Variants in RBFOX1 observed in about 807,000 individuals in gnomAD.
The protein encoded by RBFOX1 is RNA binding fox-1 homolog 1.
RBFOX1 carries 8 observed loss-of-function variants against 57.7 expected under a neutral mutation model. That is an observed-to-expected ratio of 0.14 (90% CI 0.08 to 0.25). The LOEUF (loss-of-function observed/expected upper bound fraction) is 0.25. Among genes scored for constraint, RBFOX1 ranks in the 10% least tolerant of loss-of-function variants. RBFOX1 has a pLI of 1.00. For synonymous variants in RBFOX1, 326 were observed against 222.4 expected (o/e 1.47, Z -4.15); for missense variants, 611 against 548.5 (o/e 1.11, Z -1.14).
intron 14 of RBFOX1, among the ~76,000 whole-genome samples, chr16:7,708,497 TTGAATG>T (rs1598658428): frequency 7.5e-6 from 1 of 132,468 alleles, no homozygotes; most frequent in African/African-American, 2.5e-5. Context: ...ATCAGTCTGA[TTGAATG>T]GGAATGGGAA....
intron 3 of RBFOX1, among the ~76,000 whole-genome samples, chr16:5,641,640 G>A (rs1479837866): frequency 6.6e-6 from 1 of 152,222 alleles, no homozygotes; most frequent in Non-Finnish European, 1.5e-5. Context: ...TGGCACTGCA[G>A]TGGCCTGGGG....
intron 3 of RBFOX1, among the ~76,000 whole-genome samples, chr16:6,978,563 CCCTTTCT>C (rs146522557): frequency 0.07 from 10,581 of 152,096 alleles, 431 homozygotes; most frequent in South Asian, 0.18. Context: ...GTCATAGAGC[CCCTTTCT>C]CCTTTCTATA....
chr16:5,530,642 G>C (rs979788250), intron 2 of RBFOX1, among the ~76,000 whole-genome samples: 3 of 152,068 alleles, frequency 2.0e-5, no homozygotes, highest in Non-Finnish European at 4.4e-5. Flanking sequence ...AGCAACCTTG[G>C]CCTCTACCCA....
chr16:7,148,982 A>G lies in RBFOX1; in HGVS notation c.27+96884A>G, dbSNP rs117995887. On this transcript the variant is annotated intron_variant, in intron 4 of 15. Transcript: ENST00000550418. ...ACAAAGATAGGAAACCTGAAGCCATAGTATTTTGCTTCTTTCCTGGCTTAG... is the reference window on the plus strand; with the variant it reads ...ACAAAGATAGGAAACCTGAAGCCATGGTATTTTGCTTCTTTCCTGGCTTAG... Among the ~76,000 whole-genome samples the G allele has an allele frequency of 4.0e-3, 602 of 152,336 alleles. 1 individual carries two copies. The highest frequency in any genetic ancestry group is 6.0e-3 in the Non-Finnish European group (411 of 68,032).
At chr16:6,689,421 A>T (rs972145068) in intron 3 of RBFOX1, among the ~76,000 whole-genome samples, 1 of 152,164 alleles carries the variant, frequency 6.6e-6, no homozygotes, top group African/African-American at 2.4e-5. Flanking sequence ...CTTTTTTCCT[A>T]AAAATATTAT....
intron 1 of RBFOX1, among the ~76,000 whole-genome samples, chr16:5,354,751 A>G (rs1335966112): frequency 6.6e-6 from 1 of 152,040 alleles, no homozygotes; most frequent in Non-Finnish European, 1.5e-5. Flanking sequence ...AGCATTATTC[A>G]TTTCGAAGGT....
In RBFOX1 at chr16:7,412,580, A is replaced by G. The variant is rs1360227808; in HGVS notation, c.28-105567A>G. 2.0e-5 allele frequency among the ~76,000 whole-genome samples: 3 copies of G among 152,228 alleles called. No homozygotes were observed. The East Asian group carries it at 5.8e-4, about 29-fold the overall frequency. ...CACACAAAAAATATGGACTAATCAA[A>G]TACTTTCTAGATTTCGTGTTTATAG... On this transcript the variant is annotated intron_variant, in intron 4 of 15. Coordinates refer to ENST00000550418, the MANE Select transcript of RBFOX1 (RefSeq NM_018723.4).
intron 1 of RBFOX1, among the ~76,000 whole-genome samples, chr16:6,028,487 CATA>C (rs2095238491): frequency 9.7e-6 from 1 of 102,878 alleles, no homozygotes. Flanking sequence ...GCCTAGGCAA[CATA>C]ATGAGACCCT....
intron 3 of RBFOX1, among the ~76,000 whole-genome samples, chr16:6,928,733 C>A (rs2153470157): frequency 6.6e-6 from 1 of 152,284 alleles, no homozygotes; most frequent in South Asian, 2.1e-4. Flanking sequence ...GCCAATCAAT[C>A]ACGGTTGCAT....
chr16:6,129,702 T>TA (rs35279011), intron 1 of RBFOX1, among the ~76,000 whole-genome samples: 76,438 of 120,896 alleles, frequency 0.63, 23,161 homozygotes, highest in African/African-American at 0.75. Flanking sequence ...CAGGTAGAAT[T>TA]AAAAAAAAAA....
At chr16:7,355,317 G>A (rs917999149) in intron 4 of RBFOX1, among the ~76,000 whole-genome samples, 4 of 152,122 alleles carry the variant, frequency 2.6e-5, no homozygotes, top group East Asian at 3.9e-4. Context: ...TACTTGTCAC[G>A]TTTTATCATG....
intron 11 of RBFOX1, among the ~76,000 whole-genome samples, chr16:7,637,778 A>G (rs1438707617): frequency 6.6e-6 from 1 of 152,184 alleles, no homozygotes; most frequent in African/African-American, 2.4e-5. Context: ...GGTGCTTAAC[A>G]ATAACTAGCT....
intron 3 of RBFOX1, among the ~76,000 whole-genome samples, chr16:5,605,690 T>G (rs1194595021): frequency 1.3e-5 from 2 of 151,776 alleles, no homozygotes; most frequent in Admixed American, 6.6e-5. Flanking sequence ...TTGTCCTTGA[T>G]GAGTAATGTC....
intron 4 of RBFOX1, among the ~76,000 whole-genome samples, chr16:7,253,415 C>T (rs535116721): frequency 6.6e-6 from 1 of 152,186 alleles, no homozygotes; most frequent in Non-Finnish European, 1.5e-5. Context: ...GACAACCCCT[C>T]AACCTCTTCC....
intron 3 of RBFOX1, among the ~76,000 whole-genome samples, chr16:7,000,008 G>A (rs150764042): frequency 6.6e-6 from 1 of 150,548 alleles, no homozygotes; most frequent in Non-Finnish European, 1.5e-5. Context: ...GCAGGCAGAG[G>A]TTGCAGTGAG....
chr16:5,797,336 C>G (rs1369937087), intron 3 of RBFOX1, among the ~76,000 whole-genome samples: 1 of 152,146 alleles, frequency 6.6e-6, no homozygotes, highest in African/African-American at 2.4e-5. Flanking sequence ...GTGTCCACAC[C>G]CACTTCTTGG....
intron 1 of RBFOX1, among the ~76,000 whole-genome samples, chr16:5,465,522 G>T (rs141261441): frequency 8.1e-4 from 124 of 152,264 alleles, no homozygotes; most frequent in Middle Eastern, 6.8e-3. Context: ...CATTCTCCAG[G>T]TGTGTATCCA....
At chr16:5,322,201 T>C (rs2064430039) in intron 1 of RBFOX1, among the ~76,000 whole-genome samples, 1 of 152,202 alleles carries the variant, frequency 6.6e-6, no homozygotes, top group Non-Finnish European at 1.5e-5. Flanking sequence ...TTCTGGGAGC[T>C]TCTGAGAGAA....
At chr16:7,254,749 C>A (rs373826478) in intron 4 of RBFOX1, among the ~76,000 whole-genome samples, 1 of 152,030 alleles carries the variant, frequency 6.6e-6, no homozygotes, top group Non-Finnish European at 1.5e-5. Flanking sequence ...ATAGGCATTA[C>A]GTCTCTGAAG....
Sources: allele counts gnomAD v4.1 joint callset (sites outside exome capture counted in the v4.1 genomes callset), GRCh38; gene constraint gnomAD v4.1.1; transcripts MANE v1.5; gene names NCBI Gene and HGNC (gene_info 2026-07-23, HGNC 2026-07-21).